The following CELF6 variants were observed in gnomAD, a reference collection of about 807,000 sequenced individuals.
CELF6 encodes the protein CUGBP Elav-like family member 6.
A neutral mutation model predicts 53.1 loss-of-function variants in CELF6; 32 were observed. The ratio of observed to expected loss-of-function variants is 0.60; its 90% confidence interval spans 0.46 to 0.81. The LOEUF (loss-of-function observed/expected upper bound fraction) is 0.81, where lower values mean the gene tolerates loss of function less well. CELF6 is among the 30% of genes least tolerant of loss of function. The pLI is 0.00. For missense variants in CELF6, 539 were observed against 669.5 expected, an observed-to-expected ratio of 0.81 and a Z score of 2.15; for synonymous variants, 291 against 288.8, an observed-to-expected ratio of 1.01 and a Z score of -0.08.
In CELF6 at chr15:72,313,861, C is replaced by A. The variant is rs544078362; in HGVS notation, c.345+1984G>T. ...ACTACTACCACCAGCTAACTCATATCGAGTGCTTATTTTCTGCCAAGAACA... is the reference window on the plus strand; with the variant it reads ...ACTACTACCACCAGCTAACTCATATAGAGTGCTTATTTTCTGCCAAGAACA... On this transcript the variant is annotated intron_variant, in intron 2 of 12. Coordinates refer to ENST00000287202, the MANE Select transcript of CELF6 (RefSeq NM_052840.5). 44 of 417,772 alleles carry A rather than the reference C, an allele frequency of 1.1e-4. No individual in the cohort carries two copies. The South Asian group carries it at 3.8e-3, about 36-fold the overall frequency. The allele number at this position is 417,772 out of a possible 1,614,324, so 25.9% of individuals were successfully genotyped here. A position where few individuals can be genotyped will look rare whatever the true frequency, so the allele number is the denominator to read the frequency against.
At chr15:72,315,387 A>G (rs2088349837) in intron 2 of CELF6, among the ~76,000 whole-genome samples, 1 of 152,176 alleles carries the variant, frequency 6.6e-6, no homozygotes, top group Non-Finnish European at 1.5e-5. Context: ...TGGAGGGAAG[A>G]CAATCTTAGT....
intron 2 of CELF6, among the ~76,000 whole-genome samples, chr15:72,312,262 T>C (rs912106564): frequency 1.3e-5 from 2 of 152,046 alleles, no homozygotes; most frequent in African/African-American, 4.8e-5. Context: ...CAAGCTTTCA[T>C]AGGGGACAGA....
At chr15:72,311,393 C>T (rs1465218540) in intron 2 of CELF6, among the ~76,000 whole-genome samples, 1 of 148,802 alleles carries the variant, frequency 6.7e-6, no homozygotes, top group Non-Finnish European at 1.5e-5. Context: ...TGCAATGAGG[C>T]TCACCTTTTT....
chr15:72,300,363 A>G (rs1033607154), intron 3 of CELF6, among the ~76,000 whole-genome samples: 1 of 145,240 alleles, frequency 6.9e-6, no homozygotes, highest in African/African-American at 2.5e-5. Flanking sequence ...ACTGTCTCTA[A>G]AAAAAAAAAA....
In CELF6 at chr15:72,288,711, A is replaced by C; in HGVS notation, c.1094-93T>G. 4 of 1,401,000 alleles carry C rather than the reference A, an allele frequency of 2.9e-6. No homozygotes were observed. The highest frequency in any genetic ancestry group is 3.6e-4 in the Middle Eastern group (2 of 5,544). 86.8% of individuals were successfully genotyped at this position (1,401,000 alleles called of 1,614,324 possible). ...TGGCCGCTTTTGACCAATTCAGCCCAGTCCACCATAACCCTCACCCCAAGA... is the reference window on the plus strand; with the variant it reads ...TGGCCGCTTTTGACCAATTCAGCCCCGTCCACCATAACCCTCACCCCAAGA... On this transcript the variant is annotated intron_variant, in intron 9 of 12. Transcript: ENST00000287202. The surrounding 1 kb of genome is among the most constrained non-coding windows in gnomAD (Gnocchi z 4.6).
intron 3 of CELF6, among the ~76,000 whole-genome samples, chr15:72,291,206 G>T (rs191037470): frequency 1.3e-3 from 200 of 152,300 alleles, no homozygotes; most frequent in African/African-American, 4.5e-3. Flanking sequence ...GCTGCAAGCT[G>T]GGCCTGTGTC....
rs1441514864 is a variant in CELF6 at position 72,289,197 on chromosome 15, TG to T, written c.970del (p.Gln324ArgfsTer51). On this transcript the variant is annotated frameshift_variant, in exon 8 of 13. Coordinates refer to ENST00000287202, the MANE Select transcript of CELF6 (RefSeq NM_052840.5). LOFTEE classifies it high-confidence loss of function. The surrounding 1 kb of genome is among the most constrained non-coding windows in gnomAD (Gnocchi z 7.6). ...GVNGFGPLTPQTNGQPGSDTL... is the reference protein window; with the variant it reads ...GVNGFGPLTPXTNGQPGSDTL... ...GTCGGAGCCCGGCTGGCCATTGGTC[TG>T]GGGGGTCAGAGGGCCGAATCCATTG... The T allele has an allele frequency of 4.5e-6, 7 of 1,569,486 alleles. No individual in the cohort carries two copies. The highest frequency in any genetic ancestry group is 4.3e-5 in the Admixed American group (2 of 47,036).
chr15:72,319,598 G>GCTGAC lies in CELF6; in HGVS notation c.262+10_262+14dup. On this transcript the variant is annotated intron_variant, in intron 1 of 12. Coordinates refer to ENST00000287202, the MANE Select transcript of CELF6 (RefSeq NM_052840.5). The surrounding 1 kb of genome is among the most constrained non-coding windows in gnomAD (Gnocchi z 5.0). ...TCGGATTGGGGCTGGGCTGGGCTGG[G>GCTGAC]CTGACCCCGCGCACCTTTGTGGAGG... 6.6e-7 allele frequency: 1 copy of GCTGAC among 1,518,608 alleles called. No individual in the cohort carries two copies. Among genetic ancestry groups the GCTGAC allele is most frequent in the Non-Finnish European group, 8.9e-7 (1 of 1,125,458 alleles). 94.1% of individuals were successfully genotyped at this position (1,518,608 alleles called of 1,614,324 possible). A position where few individuals can be genotyped will look rare whatever the true frequency, so the allele number is the denominator to read the frequency against.
At chr15:72,310,573 C>T (rs1286821765) in intron 2 of CELF6, among the ~76,000 whole-genome samples, 6 of 143,902 alleles carry the variant, frequency 4.2e-5, no homozygotes, top group Non-Finnish European at 7.5e-5. Flanking sequence ...GAGACAGCGT[C>T]GACCTCCAGG....
chr15:72,319,625 C>T lies in CELF6; in HGVS notation c.250G>A (p.Gly84Ser), dbSNP rs1325553956. The T allele has an allele frequency of 6.4e-7, 1 of 1,555,874 alleles. No individual in the cohort carries two copies. ...TGACCCCGCGCACCTTTGTGGAGGC[C>T]GGTGAGCCGGTCCTTCAGCACCGTC... ...ELTVLKDRLT[G>S]LHKGCAFLTY... is the part of the protein sequence containing the mutation. The change falls in exon 1 of 13, where the codon GGC (glycine) becomes AGC (serine). Residue 84 changes from glycine to serine, a missense_variant. Physicochemically the swap from Gly to Ser is moderately conservative, Grantham distance 56 (BLOSUM62 0). Transcript: ENST00000287202. This position sits in a 1 kb window ranked among gnomAD's most constrained non-coding sequence, Gnocchi z 5.0.
At chr15:72,304,536 C>A in intron 3 of CELF6, among the ~76,000 whole-genome samples, 1 of 152,274 alleles carries the variant, frequency 6.6e-6, no homozygotes, top group Non-Finnish European at 1.5e-5. Flanking sequence ...CCCTTCTTGC[C>A]TCTTCTGGGC....
chr15:72,305,744 C>G (rs1456096200), intron 2 of CELF6, among the ~76,000 whole-genome samples: 4 of 152,140 alleles, frequency 2.6e-5, no homozygotes, highest in African/African-American at 9.7e-5. Context: ...TGTCTCCAGC[C>G]TGCATTCTCC....
intron 3 of CELF6, among the ~76,000 whole-genome samples, chr15:72,304,122 C>T (rs540534769): frequency 1.3e-5 from 2 of 152,242 alleles, no homozygotes; most frequent in East Asian, 3.9e-4. Context: ...CCACCCACCT[C>T]AGCCTCCCAA....
chr15:72,292,198 C>T (rs2088014874), intron 3 of CELF6: 1 of 1,534,776 alleles, frequency 6.5e-7, no homozygotes. Flanking sequence ...AATTACTGAC[C>T]TAGAAGATAG....
intron 3 of CELF6, among the ~76,000 whole-genome samples, chr15:72,291,226 A>G (rs962166428): frequency 6.6e-6 from 1 of 152,196 alleles, no homozygotes; most frequent in Non-Finnish European, 1.5e-5. Flanking sequence ...CCCTCGAAGA[A>G]AGCTGGAGAG....
At chr15:72,304,060 G>A (rs1304388728) in intron 3 of CELF6, among the ~76,000 whole-genome samples, 2 of 151,896 alleles carry the variant, frequency 1.3e-5, no homozygotes, top group South Asian at 2.1e-4. Flanking sequence ...TAGTAGAGAC[G>A]AGGTTTCACC....
intron 2 of CELF6, among the ~76,000 whole-genome samples, chr15:72,305,893 A>C (rs1423648611): frequency 6.8e-6 from 1 of 145,986 alleles, no homozygotes. Context: ...CCTCCCAGTC[A>C]CCCAAGCTAT....
Position 72,289,367 on chromosome 15 carries a change from G to T in CELF6, c.880+8C>A, listed in dbSNP as rs2087971182. ...TCCCAGGCGCGCCCCAGTCCCTGGG[G>T]GCCGTACCTGCCGCGGGCAACAGAG... On this transcript the variant is annotated splice_region_variant and intron_variant, in intron 7 of 12. Coordinates refer to ENST00000287202, the MANE Select transcript of CELF6 (RefSeq NM_052840.5). This position sits in a 1 kb window ranked among gnomAD's most constrained non-coding sequence, Gnocchi z 7.6. The T allele has an allele frequency of 6.5e-7, 1 of 1,549,442 alleles. No individual in the cohort carries two copies. The highest frequency in any genetic ancestry group is 1.2e-5 in the South Asian group (1 of 85,164).
At chr15:72,292,888 G>A (rs185734065) in intron 3 of CELF6, among the ~76,000 whole-genome samples, 19 of 152,304 alleles carry the variant, frequency 1.2e-4, no homozygotes, top group East Asian at 1.2e-3. Flanking sequence ...ATAGCCAGGC[G>A]TGGTGGCACA....
Sources: allele counts gnomAD v4.1 joint callset (sites outside exome capture counted in the v4.1 genomes callset), GRCh38; gene constraint gnomAD v4.1.1; non-coding constraint Gnocchi (gnomAD v3.1); transcripts MANE v1.5; gene names NCBI Gene and HGNC (gene_info 2026-07-23, HGNC 2026-07-21).